The following POLR3F variants were observed in gnomAD, a reference collection of about 807,000 sequenced individuals.
The protein encoded by POLR3F is RNA polymerase III subunit F.
POLR3F carries 31 observed loss-of-function variants against 43.6 expected under a neutral mutation model. The observed-to-expected ratio is 0.71, with a 90% confidence interval of 0.53 to 0.96. POLR3F has a LOEUF of 0.96. Ranked by LOEUF, POLR3F falls within the 40% of genes least tolerant of loss-of-function variation. The probability of loss-of-function intolerance (pLI) is 0.00; values close to 1 mark genes in which losing one functional copy is unlikely to be tolerated. For synonymous variants in POLR3F, 114 were observed against 132.5 expected (o/e 0.86, Z 0.96); for missense variants, 316 against 391.7 (o/e 0.81, Z 1.63).
intron 2 of POLR3F, chr20:18,470,759 T>G (rs916486000): frequency 6.5e-6 from 1 of 153,312 alleles, no homozygotes; most frequent in African/African-American, 2.4e-5. Context: ...GCGAGTCCTA[T>G]TGGCTATAGG....
intron 1 of POLR3F, 22 bp downstream of exon 1, chr20:18,467,590 T>G: frequency 6.2e-7 from 1 of 1,614,214 alleles, no homozygotes; most frequent in Non-Finnish European, 8.5e-7. Context: ...AGGCTCCGGC[T>G]TGGCACTCCA....
chr20:18,475,256 C>T (rs2059773932), intron 5 of POLR3F, 69 bp downstream of exon 5: 1 of 671,746 alleles, frequency 1.5e-6, no homozygotes, highest in Admixed American at 2.6e-5. Context: ...GAAGTTATGT[C>T]ATGATTTAGA....
At chr20:18,474,051 A>T (rs2059767502) in intron 4 of POLR3F, among the ~76,000 whole-genome samples, 1 of 152,122 alleles carries the variant, frequency 6.6e-6, no homozygotes, top group South Asian at 2.1e-4. Context: ...TTACATAACT[A>T]ATTCTTATAT....
chr20:18,471,417 T>G (rs998852098), intron 2 of POLR3F, among the ~76,000 whole-genome samples: 11 of 152,202 alleles, frequency 7.2e-5, no homozygotes, highest in African/African-American at 2.4e-5. Context: ...TCAGGGTGGC[T>G]TTACTTACCT....
intron 8 of POLR3F, 73 bp from the exon 9 acceptor site, chr20:18,483,408 C>CT (rs2059821029): frequency 1.4e-6 from 1 of 712,560 alleles, no homozygotes; most frequent in Admixed American, 2.9e-5. Context: ...TTTAATCTTG[C>CT]TTTAAATAAG....
intron 5 of POLR3F, 45 bp downstream of exon 5, chr20:18,475,232 A>C (rs1485918906): frequency 1.4e-6 from 1 of 740,534 alleles, no homozygotes; most frequent in Non-Finnish European, 2.4e-6. Context: ...ATGTTGCTTC[A>C]AGTTTTTATT....
chr20:18,481,537 C>A, intron 7 of POLR3F, 82 bp from the exon 8 acceptor site: 1 of 957,142 alleles, frequency 1.0e-6, no homozygotes, highest in Non-Finnish European at 1.7e-6. Flanking sequence ...CTGCGCCCAG[C>A]AACCCTTTAC....
At chr20:18,477,081 G>GAAA (rs200618300) in intron 5 of POLR3F, among the ~76,000 whole-genome samples, 2 of 91,160 alleles carry the variant, frequency 2.2e-5, no homozygotes, top group African/African-American at 3.7e-5. Context: ...CTCAAAAAAA[G>GAAA]AAAAAAAAAA....
chr20:18,473,521 G>T, intron 4 of POLR3F, 63 bp downstream of exon 4: 1 of 780,830 alleles, frequency 1.3e-6, no homozygotes, highest in East Asian at 2.5e-5. Context: ...TAGGGACCCA[G>T]ATCTCAGCTT....
Position 18,483,636 on chromosome 20 carries a change from C to T in POLR3F, c.*78C>T, listed in dbSNP as rs1416793749. On this transcript the variant is annotated 3_prime_UTR_variant, in exon 9 of 9. Coordinates refer to ENST00000377603, the MANE Select transcript of POLR3F (RefSeq NM_006466.4). ...AGATAATTTAATTCATGATGGAACA[C>T]GAAATCTCCTTGAAAGCAAACTTCA... The T allele has an allele frequency of 1.3e-5, 8 of 598,928 alleles. No individual in the cohort carries two copies. Among genetic ancestry groups the T allele is most frequent in the East Asian group, 5.8e-5 (2 of 34,712 alleles). The allele number at this position is 598,928 out of a possible 1,614,324, so 37.1% of individuals were successfully genotyped here.
intron 5 of POLR3F, 47 bp downstream of exon 5, chr20:18,475,234 GT>G (rs2148863991): frequency 1.4e-6 from 1 of 733,340 alleles, no homozygotes; most frequent in East Asian, 2.6e-5. Context: ...GTTGCTTCAA[GT>G]TTTTATTCTT....
At chr20:18,478,216 TTC>T (rs2059790473) in intron 5 of POLR3F, among the ~76,000 whole-genome samples, 1 of 151,736 alleles carries the variant, frequency 6.6e-6, no homozygotes, top group Admixed American at 6.6e-5. Context: ...CCAAATTTTT[TTC>T]TTTTTTTTTT....
chr20:18,476,556 A>G (rs770784871), intron 5 of POLR3F, among the ~76,000 whole-genome samples: 29 of 152,202 alleles, frequency 1.9e-4, no homozygotes, highest in Non-Finnish European at 4.0e-4. Context: ...GTGCAAAACT[A>G]TAAAACTTTT....
At chr20:18,480,933 G>A (rs146183148) in intron 7 of POLR3F, among the ~76,000 whole-genome samples, 1 of 152,138 alleles carries the variant, frequency 6.6e-6, no homozygotes, top group East Asian at 1.9e-4. Flanking sequence ...AATTTCCTGG[G>A]CCTCAGATTT....
chr20:18,475,235 T>G (rs1441367334), intron 5 of POLR3F, 48 bp downstream of exon 5: 2 of 728,890 alleles, frequency 2.7e-6, no homozygotes, highest in East Asian at 5.2e-5. Flanking sequence ...TTGCTTCAAG[T>G]TTTTATTCTT....
intron 2 of POLR3F, 152 bp from the exon 3 acceptor site, chr20:18,472,690 C>T (rs762022080): frequency 4.0e-6 from 2 of 499,280 alleles, no homozygotes; most frequent in Non-Finnish European, 7.2e-6. Context: ...ATCTAGCCTA[C>T]AGGAAATTGT....
chr20:18,467,646 C>G (rs543149609), intron 1 of POLR3F, 78 bp downstream of exon 1: 4 of 1,605,650 alleles, frequency 2.5e-6, no homozygotes, highest in South Asian at 2.2e-5. Flanking sequence ...CTCCGGGATC[C>G]CTTGGGAGTG....
chr20:18,471,608 T>A (rs1241743922), intron 2 of POLR3F, among the ~76,000 whole-genome samples: 1 of 152,196 alleles, frequency 6.6e-6, no homozygotes, highest in African/African-American at 2.4e-5. Context: ...ACTTTGCCAC[T>A]TCGTGGGGTC....
chr20:18,473,105 C>A, intron 3 of POLR3F, 196 bp downstream of exon 3: 1 of 355,842 alleles, frequency 2.8e-6, no homozygotes, highest in Non-Finnish European at 5.1e-6. Flanking sequence ...TATAAATACA[C>A]ATAGATGATT....
Sources: gnomAD v4.1 joint callset for allele counts (sites outside exome capture counted in the v4.1 genomes callset) on GRCh38, gnomAD v4.1.1 for gene constraint, MANE v1.5 for transcripts, NCBI Gene and HGNC (gene_info 2026-07-23, HGNC 2026-07-21) for gene names.